The following BEX1 variants were observed in gnomAD, a reference collection of about 807,000 sequenced individuals.
The protein encoded by BEX1 is protein BEX1.
For missense variants in BEX1, 86 were observed against 99.2 expected (o/e 0.87, Z 0.57); for synonymous variants, 41 against 33.4 (o/e 1.23, Z -0.79).
Position 103,062,901 on chromosome X carries a change from G to A in BEX1, c.374C>T (p.Pro125Leu). 1.7e-6 allele frequency: 2 copies of A among 1,210,810 alleles called. No individual in the cohort carries two copies. The highest frequency in any genetic ancestry group is 1.7e-5 in the African/African-American group (1 of 57,696). The part of the protein sequence containing the change: ...HDHHDEFCLM[P>L] ...CTTTAGGGAAACCATCAGGATTCAG[G>A]GCATAAGGCAAAACTCATCATGATG... Residue 125 changes from proline to leucine, a missense_variant, in exon 3 of 3, where the codon CCC becomes CTC. Physicochemically the swap from Pro to Leu is moderately conservative, Grantham distance 98 (BLOSUM62 -3). Coordinates refer to ENST00000372728, the MANE Select transcript of BEX1 (RefSeq NM_018476.4).
Position 103,062,915 on chromosome X carries a change from CTCA to C in BEX1, c.357_359del (p.Asp119del). The C allele has an allele frequency of 8.3e-7, 1 of 1,211,523 alleles. No individual in the cohort carries two copies. ...TCAGGATTCAGGGCATAAGGCAAAA[CTCA>C]TCATGATGGTCATGGTGAGGGGGGT... On this transcript the variant is annotated inframe_deletion, in exon 3 of 3. Coordinates refer to ENST00000372728, the MANE Select transcript of BEX1 (RefSeq NM_018476.4).
At position 103,063,038 on chromosome X, in the gene BEX1, T is replaced by C. The variant is rs1045096; in HGVS notation, c.237A>G (p.Glu79=). 6 of 1,209,361 alleles carry C rather than the reference T, an allele frequency of 5.0e-6. No individual in the cohort carries two copies. Among genetic ancestry groups the C allele is most frequent in the Admixed American group, 2.2e-5 (1 of 45,658 alleles). The stretch of plus-strand genomic sequence containing the variant: ...CCTCCCCAATCCTTTCCATATTCTC[T>C]TCTCTCATCCTTGCCTGTGGTTCTC... ...RLGEPQARMR[E]ENMERIGEEV... is the part of the protein sequence containing the mutation. The change falls in exon 3 of 3, where the codon GAA becomes GAG. Residue 79 remains glutamate (E), a synonymous_variant. Transcript: ENST00000372728.
chrX:103,063,204 T>G lies in BEX1; in HGVS notation c.71A>C (p.Lys24Thr). Residue 24 changes from lysine to threonine, a missense_variant, in exon 3 of 3, where the codon AAG (lysine) becomes ACG (threonine). Lys to Thr is a moderately conservative substitution (Grantham distance 78). Transcript: ENST00000372728. ...MENANQENEE[K>T]EQVANKGEPL... The stretch of plus-strand genomic sequence containing the variant: ...CTCCCCTTTATTAGCAACTTGCTCC[T>G]TTTCTTCATTTTCTTGGTTGGCATT... 2.5e-6 allele frequency: 3 copies of G among 1,211,186 alleles called. No individual in the cohort carries two copies. Among genetic ancestry groups the G allele is most frequent in the Non-Finnish European group, 3.4e-6 (3 of 895,373 alleles).
At chrX:103,063,600 C>A in intron 2 of BEX1, 42 bp downstream of exon 2, 2 of 316,979 alleles carry the variant, frequency 6.3e-6, no homozygotes, top group Non-Finnish European at 1.1e-5. Context: ...GGACCTCAGA[C>A]TGGACTCTGC....
Position 103,062,899 on chromosome X carries a change from A to G in BEX1, c.376T>C (p.Ter126ArgextTer22). ...DHHDEFCLMP* is the reference protein window; with the variant it reads ...DHHDEFCLMPR ...AACTTTAGGGAAACCATCAGGATTC[A>G]GGGCATAAGGCAAAACTCATCATGA... Residue 126 changes from the stop codon to arginine (R), a stop_lost, in exon 3 of 3, where the codon TGA becomes CGA. Transcript: ENST00000372728. 1 of 1,210,675 alleles carries G rather than the reference A, an allele frequency of 8.3e-7. No individual in the cohort carries two copies.
At position 103,062,982 on chromosome X, in the gene BEX1, T is replaced by C; in HGVS notation, c.293A>G (p.Glu98Gly). ...CCGCAGACTATGACTCAACTGCTTT[T>C]CCCTCAGCTTTTCCATCAGCTGTCT... ...EVRQLMEKLR[E>G]KQLSHSLRAV... Residue 98 changes from glutamate (E) to glycine (G), a missense_variant, in exon 3 of 3, where the codon GAA becomes GGA. Glu to Gly is a moderately conservative substitution (Grantham distance 98, BLOSUM62 -2). Transcript: ENST00000372728. The C allele has an allele frequency of 8.3e-7, 1 of 1,211,557 alleles. No homozygotes were observed. The highest frequency in any genetic ancestry group is 2.2e-5 in the Admixed American group (1 of 45,996).
At position 103,064,130 on chromosome X, in the gene BEX1, G is replaced by T. The variant is rs1921622728; in HGVS notation, c.-130C>A. ...TTTCCCCCGGGCCGGATGCCAGCCC[G>T]CCGAGCGCAGGGCAGCGGGGAGCTG... On this transcript the variant is annotated 5_prime_UTR_variant, in exon 1 of 3. Coordinates refer to ENST00000372728, the MANE Select transcript of BEX1 (RefSeq NM_018476.4). 3.9e-6 allele frequency: 2 copies of T among 517,309 alleles called. No individual in the cohort carries two copies. The highest frequency in any genetic ancestry group is 2.5e-5 in the African/African-American group (1 of 39,781). 42.6% of individuals were successfully genotyped at this position (517,309 alleles called of 1,213,427 possible). A position where few individuals can be genotyped will look rare whatever the true frequency, so the allele number is the denominator to read the frequency against.
rs1045081 is a variant in BEX1, at chrX:103,063,080, A to G, written c.195T>C (p.Asp65=). Residue 65 remains aspartate, a synonymous_variant, in exon 3 of 3, where the codon GAT becomes GAC. Transcript: ENST00000372728. The part of the protein sequence containing the change: ...VRQPILQYRW[D]MMHRLGEPQA... ...GTGGTTCTCCAAGCCTATGCATCAT[A>G]TCCCATCTATACTGCAGGATGGGCT... 5.8e-6 allele frequency: 7 copies of G among 1,209,776 alleles called. No homozygotes were observed. Among genetic ancestry groups the G allele is most frequent in the Non-Finnish European group, 6.7e-6 (6 of 895,241 alleles).
intron 2 of BEX1, 55 bp from the exon 3 acceptor site, chrX:103,063,334 C>G: frequency 9.1e-7 from 1 of 1,093,503 alleles, no homozygotes; most frequent in Non-Finnish European, 1.2e-6. Context: ...GCTTCAGTAC[C>G]GAGGACAGAG....
rs911637618 is a variant in BEX1 at position 103,062,680 on chromosome X, A to C, written c.*217T>G. On this transcript the variant is annotated 3_prime_UTR_variant, in exon 3 of 3. Transcript: ENST00000372728. Reference sequence around the variant, plus strand: ...TTTTTAAAGGTGCTTTATTAACTTCACTATAATGAGCATCTTTCCATGCAA... The same window carrying C: ...TTTTTAAAGGTGCTTTATTAACTTCCCTATAATGAGCATCTTTCCATGCAA... 1.0e-4 allele frequency: 45 copies of C among 437,800 alleles called. No individual in the cohort carries two copies. The highest frequency in any genetic ancestry group is 1.7e-4 in the Non-Finnish European group (45 of 266,637). The allele number at this position is 437,800 out of a possible 1,213,427, so 36.1% of individuals were successfully genotyped here. A position where few individuals can be genotyped will look rare whatever the true frequency, so the allele number is the denominator to read the frequency against.
chrX:103,063,165 G>T lies in BEX1; in HGVS notation c.110C>A (p.Pro37His). ...VANKGEPLAL[P>H]LDAGEYCVPR... ...CACACAGTATTCACCAGCATCCAAA[G>T]GGAGGGCCAAGGGCTCCCCTTTATT... The change falls in exon 3 of 3, where the codon CCT becomes CAT. Residue 37 changes from proline to histidine, a missense_variant. Transcript: ENST00000372728. 1 of 1,211,898 alleles carries T rather than the reference G, an allele frequency of 8.3e-7. No homozygotes were observed.
rs374240090 is a variant in BEX1, at chrX:103,063,161, C to T, written c.114G>A (p.Leu38=). The T allele has an allele frequency of 1.7e-6, 2 of 1,212,039 alleles. No homozygotes were observed. The highest frequency in any genetic ancestry group is 2.2e-6 in the Non-Finnish European group (2 of 895,625). Residue 38 remains leucine, a synonymous_variant, in exon 3 of 3, where the codon TTG becomes TTA. Coordinates refer to ENST00000372728, the MANE Select transcript of BEX1 (RefSeq NM_018476.4). ...TAGGCACACAGTATTCACCAGCATC[C>T]AAAGGGAGGGCCAAGGGCTCCCCTT... is the stretch of plus-strand genomic sequence containing the variant. ...ANKGEPLALP[L]DAGEYCVPRG...
At chrX:103,063,384 T>A in intron 2 of BEX1, 105 bp from the exon 3 acceptor site, 1 of 884,462 alleles carries the variant, frequency 1.1e-6, no homozygotes, top group Non-Finnish European at 1.5e-6. Context: ...GTCATGGCTA[T>A]CAACATGTTT....
In BEX1 at chrX:103,063,269, C is replaced by T. The variant is rs143348113; in HGVS notation, c.6G>A (p.Glu2=). 1 of 1,207,660 alleles carries T rather than the reference C, an allele frequency of 8.3e-7. No homozygotes were observed. The highest frequency in any genetic ancestry group is 1.1e-6 in the Non-Finnish European group (1 of 893,710). Residue 2 remains glutamate, a synonymous_variant, in exon 3 of 3, where the codon GAG becomes GAA. Transcript: ENST00000372728. M[E]SKEKRAVNSL... ...TGTTTACTGCTCGTTTCTCTTTGGA[C>T]TCCATTACTCCTAGGAGACAAAAGG... is the stretch of plus-strand genomic sequence containing the variant.
intron 2 of BEX1, 38 bp from the exon 3 acceptor site, chrX:103,063,317 G>A: frequency 3.4e-6 from 4 of 1,175,348 alleles, no homozygotes; most frequent in Non-Finnish European, 3.4e-6. Flanking sequence ...CTGAACAGCT[G>A]GTGAACGCTT....
Position 103,063,248 on chromosome X carries a change from T to C in BEX1, c.27A>G (p.Val9=), listed in dbSNP as rs1329606771. 1.7e-6 allele frequency: 2 copies of C among 1,209,095 alleles called. No homozygotes were observed. The highest frequency in any genetic ancestry group is 3.5e-5 in the African/African-American group (2 of 57,084). The part of the protein sequence containing the change: MESKEKRA[V]NSLSMENANQ... ...TGGCATTTTCCATGCTGAGACTGTT[T>C]ACTGCTCGTTTCTCTTTGGACTCCA... Residue 9 remains valine (V), a synonymous_variant, in exon 3 of 3, where the codon GTA becomes GTG. Coordinates refer to ENST00000372728, the MANE Select transcript of BEX1 (RefSeq NM_018476.4).
chrX:103,062,970 C>T lies in BEX1; in HGVS notation c.305G>A (p.Ser102Asn). The change falls in exon 3 of 3, where the codon AGT becomes AAT. Residue 102 changes from serine to asparagine, a missense_variant. Ser to Asn is a conservative substitution (Grantham distance 46). Transcript: ENST00000372728. ...AGTGCTGACTGCCCGCAGACTATGACTCAACTGCTTTTCCCTCAGCTTTTC... is the reference window on the plus strand; with the variant it reads ...AGTGCTGACTGCCCGCAGACTATGATTCAACTGCTTTTCCCTCAGCTTTTC... ...LMEKLREKQL[S>N]HSLRAVSTDP... The T allele has an allele frequency of 1.7e-6, 2 of 1,211,632 alleles. No homozygotes were observed. Among genetic ancestry groups the T allele is most frequent in the Non-Finnish European group, 2.2e-6 (2 of 895,525 alleles).
intron 2 of BEX1, among the ~76,000 whole-genome samples, 159 bp from the exon 3 acceptor site, chrX:103,063,438 G>A (rs1182966946): frequency 2.4e-5 from 2 of 82,288 alleles, no homozygotes; most frequent in African/African-American, 1.1e-4. Flanking sequence ...GGTTTCGTGC[G>A]CCCACTAGGG....
chrX:103,063,024 C>T lies in BEX1; in HGVS notation c.251G>A (p.Arg84Lys), dbSNP rs141464074. 9.3e-5 allele frequency: 112 copies of T among 1,209,322 alleles called. No homozygotes were observed. The African/African-American group carries it at 1.8e-3, about 19-fold the overall frequency. ...CAGCTGTCTCACCTCCTCCCCAATCCTTTCCATATTCTCTTCTCTCATCCT... is the reference window on the plus strand; with the variant it reads ...CAGCTGTCTCACCTCCTCCCCAATCTTTTCCATATTCTCTTCTCTCATCCT... ...QARMREENMERIGEEVRQLME... is the reference protein window; with the variant it reads ...QARMREENMEKIGEEVRQLME... The change falls in exon 3 of 3, where the codon AGG (arginine) becomes AAG (lysine). Residue 84 changes from arginine to lysine, a missense_variant. Arg to Lys is a conservative substitution (Grantham distance 26). Coordinates refer to ENST00000372728, the MANE Select transcript of BEX1 (RefSeq NM_018476.4).
Sources: allele counts gnomAD v4.1 joint callset (sites outside exome capture counted in the v4.1 genomes callset), GRCh38; gene constraint gnomAD v4.1.1; transcripts MANE v1.5; gene names NCBI Gene and HGNC (gene_info 2026-07-23, HGNC 2026-07-21).